RBM20: variants seen among roughly 807,000 people sequenced by gnomAD.
RBM20 encodes RNA-binding protein 20.
Under a neutral mutation model 110.1 loss-of-function variants are expected in RBM20, and 51 were observed. That is an observed-to-expected ratio of 0.46 (90% CI 0.37 to 0.59). The LOEUF (loss-of-function observed/expected upper bound fraction) is 0.59. RBM20 is among the 20% of genes least tolerant of loss of function. RBM20 has a pLI of 0.00. For synonymous variants in RBM20, 589 were observed against 618.2 expected (o/e 0.95, Z 0.70); for missense variants, 1,512 against 1,574.9 (o/e 0.96, Z 0.68).
intron 1 of RBM20, among the ~76,000 whole-genome samples, chr10:110,750,067 T>A (rs1489871729): frequency 6.6e-6 from 1 of 152,230 alleles, no homozygotes; most frequent in Non-Finnish European, 1.5e-5. Context: ...ACATAGGTGT[T>A]GCCTCTGGAC....
At chr10:110,822,588 G>A (rs1844928939) in intron 11 of RBM20, 2 of 418,090 alleles carry the variant, frequency 4.8e-6, no homozygotes. Context: ...CCATCAGGGG[G>A]TTTGGGGGGA....
At chr10:110,782,694 T>C (rs764202790) in intron 2 of RBM20, among the ~76,000 whole-genome samples, 2 of 152,146 alleles carry the variant, frequency 1.3e-5, no homozygotes, top group Non-Finnish European at 2.9e-5. Context: ...GAGATTCAAA[T>C]GTGGCCCTGA....
intron 1 of RBM20, among the ~76,000 whole-genome samples, chr10:110,684,987 G>C (rs1411209234): frequency 6.6e-6 from 1 of 152,200 alleles, no homozygotes; most frequent in Non-Finnish European, 1.5e-5. Flanking sequence ...CTTGAGAAGT[G>C]AATCTGTTTG....
At chr10:110,796,033 G>C (rs556059637) in intron 5 of RBM20, among the ~76,000 whole-genome samples, 138 of 152,246 alleles carry the variant, frequency 9.1e-4, no homozygotes, top group Non-Finnish European at 1.6e-3. Flanking sequence ...AAAATATTTC[G>C]AAAACCACTG....
At position 110,784,393 on chromosome 10, in the gene RBM20, C is replaced by T. The variant is rs1844394454; in HGVS notation, c.1390C>T (p.Pro464Ser). 1.3e-6 allele frequency: 2 copies of T among 1,551,430 alleles called. No individual in the cohort carries two copies. Among genetic ancestry groups the T allele is most frequent in the South Asian group, 1.2e-5 (1 of 84,034 alleles). The change falls in exon 4 of 14, where the codon CCC becomes TCC. Residue 464 changes from proline (P) to serine (S), a missense_variant. Physicochemically the swap from Pro to Ser is moderately conservative, Grantham distance 74. Coordinates refer to ENST00000369519, the MANE Select transcript of RBM20 (RefSeq NM_001134363.3). The part of the protein sequence containing the change: ...GSAEGTLCAS[P>S]NSTAVYNPAG... ...GGCAGAGGGAACATTGTGTGCTTCTCCCAACAGCACAGCTGTTTATAACCC... is the reference window on the plus strand; with the variant it reads ...GGCAGAGGGAACATTGTGTGCTTCTTCCAACAGCACAGCTGTTTATAACCC...
At chr10:110,689,127 C>T (rs1293407144) in intron 1 of RBM20, among the ~76,000 whole-genome samples, 1 of 152,130 alleles carries the variant, frequency 6.6e-6, no homozygotes. Context: ...TCCGTTTCCC[C>T]CAATGGCAAC....
intron 1 of RBM20, among the ~76,000 whole-genome samples, chr10:110,771,112 A>G (rs1489288971): frequency 6.6e-6 from 1 of 152,182 alleles, no homozygotes; most frequent in Non-Finnish European, 1.5e-5. Context: ...CTACATACAC[A>G]TATACATGGA....
intron 1 of RBM20, among the ~76,000 whole-genome samples, chr10:110,728,089 G>A (rs1294454675): frequency 1.3e-5 from 2 of 152,186 alleles, no homozygotes; most frequent in African/African-American, 4.8e-5. Context: ...CTTTGCTATT[G>A]TAAATAGTGC....
intron 1 of RBM20, among the ~76,000 whole-genome samples, chr10:110,755,087 G>A (rs922862432): frequency 2.0e-5 from 3 of 152,132 alleles, no homozygotes; most frequent in Non-Finnish European, 4.4e-5. Context: ...ACATCTCAGG[G>A]GTAATTTTAT....
intron 1 of RBM20, among the ~76,000 whole-genome samples, chr10:110,698,433 C>A (rs1247013170): frequency 2.0e-5 from 3 of 152,190 alleles, no homozygotes; most frequent in African/African-American, 7.2e-5. Context: ...CTGGCAGGAG[C>A]CTGGCAGGAA....
intron 1 of RBM20, among the ~76,000 whole-genome samples, chr10:110,755,203 G>C (rs904738725): frequency 2.0e-5 from 3 of 152,070 alleles, no homozygotes; most frequent in Admixed American, 6.6e-5. Context: ...TAATCCTGAG[G>C]GTGTGGCCCT....
At chr10:110,655,225 A>G (rs1372338395) in intron 1 of RBM20, among the ~76,000 whole-genome samples, 2 of 152,218 alleles carry the variant, frequency 1.3e-5, no homozygotes, top group Non-Finnish European at 2.9e-5. Context: ...TTTAAGACAA[A>G]CTAAGCAATC....
At chr10:110,825,190 G>A (rs1296938490) in intron 12 of RBM20, among the ~76,000 whole-genome samples, 1 of 152,156 alleles carries the variant, frequency 6.6e-6, no homozygotes, top group Admixed American at 6.5e-5. Flanking sequence ...AGGCCACCCT[G>A]CAGGAGAAGA....
intron 1 of RBM20, among the ~76,000 whole-genome samples, chr10:110,767,905 C>CCGAGATCA (rs953464547): frequency 1.3e-5 from 2 of 152,260 alleles, no homozygotes; most frequent in African/African-American, 4.8e-5. Flanking sequence ...TTGTAGCCAG[C>CCGAGATCA]CGAGATCACG....
chr10:110,818,360 A>G (rs917055854), intron 9 of RBM20, among the ~76,000 whole-genome samples: 5 of 151,968 alleles, frequency 3.3e-5, no homozygotes, highest in Non-Finnish European at 5.9e-5. Flanking sequence ...TGGAATGATC[A>G]TTCTTGATTG....
intron 1 of RBM20, among the ~76,000 whole-genome samples, chr10:110,646,520 G>T (rs1861870189): frequency 1.3e-5 from 2 of 152,186 alleles, no homozygotes; most frequent in Non-Finnish European, 2.9e-5. Context: ...ATTGGTGACG[G>T]ATCAGTGTTC....
At chr10:110,725,083 TCTTTCCC>T (rs1843547062) in intron 1 of RBM20, among the ~76,000 whole-genome samples, 1 of 152,040 alleles carries the variant, frequency 6.6e-6, no homozygotes, top group African/African-American at 2.4e-5. Context: ...TGATCATAGC[TCTTTCCC>T]ATCTACACAG....
At chr10:110,826,580 CTT>C (rs1180757060) in intron 12 of RBM20, among the ~76,000 whole-genome samples, 3 of 124,358 alleles carry the variant, frequency 2.4e-5, no homozygotes, top group Non-Finnish European at 3.3e-5. Flanking sequence ...TTTCATTCTT[CTT>C]CTTTTTTTTT....
intron 1 of RBM20, among the ~76,000 whole-genome samples, chr10:110,684,394 A>C (rs1296297419): frequency 6.6e-6 from 1 of 150,764 alleles, no homozygotes; most frequent in East Asian, 2.0e-4. Flanking sequence ...ACTCCATCTT[A>C]AAAACAAAAC....
Sources: gnomAD v4.1 joint callset for allele counts (sites outside exome capture counted in the v4.1 genomes callset) on GRCh38, gnomAD v4.1.1 for gene constraint, MANE v1.5 for transcripts, NCBI Gene and HGNC (gene_info 2026-07-23, HGNC 2026-07-21) for gene names.